Variants in NIM1K observed in about 807,000 individuals in gnomAD.
NIM1K encodes the protein NIM1 serine/threonine protein kinase.
A neutral mutation model predicts 37.1 loss-of-function variants in NIM1K; 35 were observed. That is an observed-to-expected ratio of 0.94 (90% confidence interval 0.72 to 1.25). The LOEUF (loss-of-function observed/expected upper bound fraction) is 1.25, where lower values mean the gene tolerates loss of function less well. Ranked by LOEUF, NIM1K falls within the 50% of genes most tolerant of loss-of-function variation. The pLI is 0.00. For synonymous variants in NIM1K, 234 were observed against 206.6 expected (o/e 1.13, Z -1.14); for missense variants, 564 against 548.0 (o/e 1.03, Z -0.29).
chr5:43,265,698 C>T (rs1307260837), intron 2 of NIM1K, among the ~76,000 whole-genome samples: 2 of 152,228 alleles, frequency 1.3e-5, no homozygotes, highest in Non-Finnish European at 2.9e-5. Context: ...GGAGAAGAGG[C>T]ACTCTGATTC....
chr5:43,198,322 TCCTTTCTG>T (rs1202048092), intron 1 of NIM1K, among the ~76,000 whole-genome samples: 24 of 146,424 alleles, frequency 1.6e-4, no homozygotes, highest in African/African-American at 5.9e-4. Flanking sequence ...CTCCCTTCCT[TCCTTTCTG>T]TCTTTCTGTC....
At chr5:43,238,203 C>T (rs954807072) in intron 1 of NIM1K, among the ~76,000 whole-genome samples, 3 of 151,906 alleles carry the variant, frequency 2.0e-5, no homozygotes, top group Non-Finnish European at 4.4e-5. Flanking sequence ...CCACCACGCC[C>T]GGCTAATTTT....
intron 1 of NIM1K, chr5:43,207,657 C>T (rs558040761): frequency 1.7e-4 from 101 of 582,314 alleles, no homozygotes; most frequent in Middle Eastern, 1.1e-3. Flanking sequence ...CTGACGGAAG[C>T]GCTGTTGCTC....
chr5:43,195,455 C>T (rs747765651), intron 1 of NIM1K, among the ~76,000 whole-genome samples: 7 of 151,940 alleles, frequency 4.6e-5, no homozygotes, highest in African/African-American at 9.7e-5. Context: ...CCCAGGAGTT[C>T]GAGACCAGCC....
At chr5:43,256,514 TA>T (rs1256006330) in intron 2 of NIM1K, among the ~76,000 whole-genome samples, 1 of 152,202 alleles carries the variant, frequency 6.6e-6, no homozygotes, top group East Asian at 1.9e-4. Flanking sequence ...TTGAACATGT[TA>T]TGTTTGACAT....
At chr5:43,253,140 G>A (rs34031769) in intron 2 of NIM1K, among the ~76,000 whole-genome samples, 3,793 of 142,664 alleles carry the variant, frequency 0.027, 67 homozygotes, top group Middle Eastern at 0.076. Flanking sequence ...ACCATGACTG[G>A]CCTTCATTCC....
chr5:43,230,743 T>C (rs189909216), intron 1 of NIM1K, among the ~76,000 whole-genome samples: 4 of 152,342 alleles, frequency 2.6e-5, no homozygotes, highest in Non-Finnish European at 5.9e-5. Context: ...AAAGAACAGA[T>C]GAAGGGGGGA....
chr5:43,238,428 G>A (rs999579776), intron 1 of NIM1K, among the ~76,000 whole-genome samples: 6 of 151,572 alleles, frequency 4.0e-5, no homozygotes, highest in Non-Finnish European at 1.5e-5. Context: ...CATTTGTTCT[G>A]GTTTTATGGA....
At chr5:43,238,177 G>C (rs886144476) in intron 1 of NIM1K, among the ~76,000 whole-genome samples, 5 of 151,696 alleles carry the variant, frequency 3.3e-5, no homozygotes, top group Admixed American at 2.6e-4. Context: ...CTAGTAGCTG[G>C]AACTACAGGC....
In NIM1K at chr5:43,275,476, A is replaced by G. The variant is rs146667423; in HGVS notation, c.293-1581A>G. ...CAACTATTTTTTAGCATTTCAATAC[A>G]TAATACCAAAGTGCAATCCAGAACC... On this transcript the variant is annotated intron_variant, in intron 2 of 3. Coordinates refer to ENST00000326035, the MANE Select transcript of NIM1K (RefSeq NM_153361.4). 1.3e-4 allele frequency among the ~76,000 whole-genome samples: 20 copies of G among 152,358 alleles called. No individual in the cohort carries two copies. In the East Asian group the frequency reaches 3.9e-3, roughly 29 times the overall value.
At chr5:43,265,314 T>C (rs1353964342) in intron 2 of NIM1K, among the ~76,000 whole-genome samples, 4 of 152,224 alleles carry the variant, frequency 2.6e-5, no homozygotes, top group Admixed American at 1.3e-4. Context: ...CTTTGTTTAT[T>C]TCTTTTTACT....
At chr5:43,225,679 C>T (rs1030743123) in intron 1 of NIM1K, 14 of 154,832 alleles carry the variant, frequency 9.0e-5, no homozygotes, top group African/African-American at 3.4e-4. Context: ...AATGAAGCCA[C>T]TCAAGAGGCA....
intron 2 of NIM1K, among the ~76,000 whole-genome samples, chr5:43,262,207 C>G (rs1561091005): frequency 6.6e-6 from 1 of 152,148 alleles, no homozygotes; most frequent in African/African-American, 2.4e-5. Flanking sequence ...GGCAGAATGA[C>G]CATTTTCACG....
chr5:43,216,615 C>T (rs1174597236), intron 1 of NIM1K, among the ~76,000 whole-genome samples: 1 of 152,192 alleles, frequency 6.6e-6, no homozygotes, highest in Non-Finnish European at 1.5e-5. Context: ...GTCTCCTAAT[C>T]CACAAAGTGA....
At chr5:43,226,447 T>C (rs1472998357) in intron 1 of NIM1K, among the ~76,000 whole-genome samples, 1 of 152,060 alleles carries the variant, frequency 6.6e-6, no homozygotes, top group Non-Finnish European at 1.5e-5. Context: ...GACAGATTGG[T>C]GTATGAGAGA....
intron 1 of NIM1K, among the ~76,000 whole-genome samples, chr5:43,217,568 T>C (rs975953175): frequency 3.9e-5 from 6 of 152,182 alleles, no homozygotes; most frequent in African/African-American, 1.4e-4. Context: ...TAATTATCTT[T>C]TTTATTCTAG....
intron 1 of NIM1K, among the ~76,000 whole-genome samples, chr5:43,223,972 G>T (rs9632407): frequency 0.15 from 838 of 5,608 alleles, 10 homozygotes; most frequent in African/African-American, 0.16. Flanking sequence ...CATCATGAAA[G>T]ATTCTTTTTT....
intron 1 of NIM1K, among the ~76,000 whole-genome samples, chr5:43,237,790 T>C (rs1043006355): frequency 6.6e-6 from 1 of 152,178 alleles, no homozygotes; most frequent in African/African-American, 2.4e-5. Flanking sequence ...TTTTTCCTTC[T>C]ACTTTTTTAT....
chr5:43,271,011 C>T (rs1322910870), intron 2 of NIM1K, among the ~76,000 whole-genome samples: 1 of 152,068 alleles, frequency 6.6e-6, no homozygotes, highest in East Asian at 1.9e-4. Flanking sequence ...ATATCATTTC[C>T]CCCATAGCAG....
Sources: gnomAD v4.1 joint callset for allele counts (sites outside exome capture counted in the v4.1 genomes callset) on GRCh38, gnomAD v4.1.1 for gene constraint, MANE v1.5 for transcripts, NCBI Gene and HGNC (gene_info 2026-07-23, HGNC 2026-07-21) for gene names.